The following NPNT variants were observed in gnomAD, a reference collection of about 807,000 sequenced individuals.
The protein encoded by NPNT is nephronectin.
NPNT carries 45 observed loss-of-function variants against 68.6 expected under a neutral mutation model. That is an observed-to-expected ratio of 0.66 (90% CI 0.52 to 0.84). The LOEUF (loss-of-function observed/expected upper bound fraction) is 0.84, where lower values mean the gene tolerates loss of function less well. Ranked by LOEUF, NPNT falls within the 40% of genes least tolerant of loss-of-function variation. The pLI is 0.00. For synonymous variants in NPNT, 233 were observed against 253.3 expected (o/e 0.92, Z 0.76); for missense variants, 672 against 714.8 (o/e 0.94, Z 0.68).
chr4:105,908,409 G>C (rs1422757487), intron 2 of NPNT, among the ~76,000 whole-genome samples: 1 of 152,030 alleles, frequency 6.6e-6, no homozygotes, highest in Non-Finnish European at 1.5e-5. Context: ...CAAGATTAGG[G>C]TTGCCTTTTG....
intron 2 of NPNT, among the ~76,000 whole-genome samples, chr4:105,903,698 G>T (rs763361574): frequency 1.3e-5 from 2 of 151,668 alleles, no homozygotes; most frequent in Non-Finnish European, 2.9e-5. Flanking sequence ...TTGTACAAAT[G>T]AAAGCATACT....
At position 105,940,516 on chromosome 4, in the gene NPNT, A is replaced by G. The variant is rs774652252; in HGVS notation, c.643A>G (p.Ile215Val). The G allele has an allele frequency of 7.4e-6, 12 of 1,612,572 alleles. No individual in the cohort carries two copies. Among genetic ancestry groups the G allele is most frequent in the African/African-American group, 2.7e-5 (2 of 74,868 alleles). ...TCTTTTCCTACTTTCTGATGCAGACATAGACGAATGCTCACTTGGTCAGTA... is the reference window on the plus strand; with the variant it reads ...TCTTTTCCTACTTTCTGATGCAGACGTAGACGAATGCTCACTTGGTCAGTA... ...YIGGKYQCHD[I>V]DECSLGQYQC... The change falls in exon 7 of 12, where the codon ATA becomes GTA. Residue 215 changes from isoleucine to valine, a missense_variant and splice_region_variant. Physicochemically the swap from Ile to Val is conservative, Grantham distance 29. Transcript: ENST00000379987.
At chr4:105,958,866 G>A in intron 9 of NPNT, 162 bp from the exon 10 acceptor site, 2 of 599,698 alleles carry the variant, frequency 3.3e-6, no homozygotes, top group East Asian at 2.8e-5. Flanking sequence ...CTATTGTGCT[G>A]AGAAAAGATT....
chr4:105,940,162 AT>A lies in NPNT; in HGVS notation c.594del (p.His198GlnfsTer18). 6.2e-7 allele frequency: 1 copy of A among 1,613,360 alleles called. No homozygotes were observed. The highest frequency in any genetic ancestry group is 8.5e-7 in the Non-Finnish European group (1 of 1,179,338). Reference sequence around the variant, plus strand: ...TTTGGGAGCTACATCTGCAAGTGTCATAAAGGCTTCGATCTCATGTATATTG... The same window carrying A: ...TTTGGGAGCTACATCTGCAAGTGTCAAAAGGCTTCGATCTCATGTATATTG... ...NTFGSYICKC[H>X]KGFDLMYIGG... On this transcript the variant is annotated frameshift_variant, in exon 6 of 12. Transcript: ENST00000379987. LOFTEE classifies it high-confidence loss of function.
In NPNT at chr4:105,970,965, A is replaced by G; in HGVS notation, c.*1975A>G. ...GCAGTATTAAAGAAAAAAGGAAACT[A>G]TTTATTCCAAATGAGAGTATGATGG... On this transcript the variant is annotated 3_prime_UTR_variant, in exon 12 of 12. Transcript: ENST00000379987. 4 of 306,152 alleles carry G rather than the reference A, an allele frequency of 1.3e-5. No homozygotes were observed. The highest frequency in any genetic ancestry group is 1.1e-4 in the South Asian group (4 of 35,898). The allele number at this position is 306,152 out of a possible 1,614,324, so 19.0% of individuals were successfully genotyped here.
At chr4:105,960,761 C>CGT (rs35898642) in intron 10 of NPNT, among the ~76,000 whole-genome samples, 10,094 of 149,146 alleles carry the variant, frequency 0.068, 433 homozygotes, top group African/African-American at 0.13. Flanking sequence ...AACATATCTA[C>CGT]GTGTGTGTGT....
At position 105,971,451 on chromosome 4, in the gene NPNT, G is replaced by A; in HGVS notation, c.*2461G>A. 1.4e-5 allele frequency: 3 copies of A among 207,450 alleles called. No individual in the cohort carries two copies. The highest frequency in any genetic ancestry group is 5.2e-5 in the Admixed American group (1 of 19,204). The allele number at this position is 207,450 out of a possible 1,614,324, so 12.9% of individuals were successfully genotyped here. On this transcript the variant is annotated 3_prime_UTR_variant, in exon 12 of 12. Coordinates refer to ENST00000379987, the MANE Select transcript of NPNT (RefSeq NM_001033047.3). ...ATTTTTAATGGTTCATTTCCTTTATGGTCATATAACTGCACAGCTGAAGAT... is the reference window on the plus strand; with the variant it reads ...ATTTTTAATGGTTCATTTCCTTTATAGTCATATAACTGCACAGCTGAAGAT...
chr4:105,908,675 T>C (rs1176972836), intron 2 of NPNT, among the ~76,000 whole-genome samples: 1 of 151,972 alleles, frequency 6.6e-6, no homozygotes, highest in South Asian at 2.1e-4. Context: ...GCGATTCTCC[T>C]GCCTCAGCCT....
intron 1 of NPNT, chr4:105,896,073 T>G: frequency 1.0e-5 from 3 of 292,500 alleles, no homozygotes; most frequent in Admixed American, 5.2e-5. Flanking sequence ...GAAACATCCC[T>G]TACCCGGGAA....
At chr4:105,921,163 T>C (rs1199679299) in intron 2 of NPNT, among the ~76,000 whole-genome samples, 2 of 152,210 alleles carry the variant, frequency 1.3e-5, no homozygotes, top group Admixed American at 6.5e-5. Context: ...AATACTTTTA[T>C]GTTTTTAATC....
chr4:105,901,745 C>G (rs1410622419), intron 2 of NPNT, among the ~76,000 whole-genome samples: 2 of 152,174 alleles, frequency 1.3e-5, no homozygotes, highest in Non-Finnish European at 2.9e-5. Context: ...TTAGTTAGCT[C>G]TGAACCTCCT....
intron 2 of NPNT, among the ~76,000 whole-genome samples, chr4:105,926,277 C>T (rs1469021190): frequency 6.6e-6 from 1 of 152,142 alleles, no homozygotes; most frequent in Non-Finnish European, 1.5e-5. Flanking sequence ...GTATTTTTAT[C>T]TCAATTGTAG....
At chr4:105,941,522 A>G (rs1333118128) in intron 7 of NPNT, among the ~76,000 whole-genome samples, 1 of 152,182 alleles carries the variant, frequency 6.6e-6, no homozygotes, top group Non-Finnish European at 1.5e-5. Flanking sequence ...AATTTTTTAA[A>G]TTTCCTCCGT....
intron 8 of NPNT, among the ~76,000 whole-genome samples, chr4:105,955,600 A>G (rs768571008): frequency 1.2e-4 from 19 of 152,080 alleles, no homozygotes; most frequent in Admixed American, 5.2e-4. Context: ...AAAGTGAACC[A>G]ATACAAATGA....
chr4:105,931,762 C>A (rs534333655), intron 3 of NPNT, among the ~76,000 whole-genome samples: 1 of 151,114 alleles, frequency 6.6e-6, no homozygotes, highest in African/African-American at 2.4e-5. Context: ...ATGGTGTGAA[C>A]GTGGGAGGCG....
At chr4:105,944,365 G>T (rs866965432) in intron 8 of NPNT, among the ~76,000 whole-genome samples, 3 of 151,918 alleles carry the variant, frequency 2.0e-5, no homozygotes, top group Non-Finnish European at 4.4e-5. Context: ...ACATTATTTT[G>T]CTGCCTTAGG....
At chr4:105,932,609 T>C (rs1485451218) in intron 3 of NPNT, 1 of 1,532,660 alleles carries the variant, frequency 6.5e-7, no homozygotes, top group Non-Finnish European at 8.7e-7. Flanking sequence ...CTTCCTGGTG[T>C]GAAGACGAGC....
In NPNT at chr4:105,971,272, T is replaced by C. The variant is rs1433506274; in HGVS notation, c.*2282T>C. The C allele has an allele frequency of 7.4e-6, 3 of 407,304 alleles. No individual in the cohort carries two copies. The highest frequency in any genetic ancestry group is 5.3e-5 in the Admixed American group (2 of 37,836). The allele number at this position is 407,304 out of a possible 1,614,324, so 25.2% of individuals were successfully genotyped here. On this transcript the variant is annotated 3_prime_UTR_variant, in exon 12 of 12. Transcript: ENST00000379987. ...AGTATGATTCAGTTTCTCTTATCAA[T>C]TGGACTCTCCCAGGTTCCACAGAAC...
At chr4:105,967,499 A>G (rs1560548023) in intron 11 of NPNT, 55 bp downstream of exon 11, 1 of 1,474,822 alleles carries the variant, frequency 6.8e-7, no homozygotes, top group Non-Finnish European at 9.0e-7. Context: ...TCATAGGAGA[A>G]CTCTGGGATC....
Sources: gnomAD v4.1 joint callset for allele counts (sites outside exome capture counted in the v4.1 genomes callset) on GRCh38, gnomAD v4.1.1 for gene constraint, MANE v1.5 for transcripts, NCBI Gene and HGNC (gene_info 2026-07-23, HGNC 2026-07-21) for gene names.